Variants in TAF1B observed in about 807,000 individuals in gnomAD.
The protein encoded by TAF1B is TATA box-binding protein-associated factor RNA polymerase I subunit B.
Under a neutral mutation model 83.9 loss-of-function variants are expected in TAF1B, and 61 were observed. The observed-to-expected ratio is 0.73, with a 90% confidence interval of 0.59 to 0.90. The LOEUF (loss-of-function observed/expected upper bound fraction) is 0.90, where lower values mean the gene tolerates loss of function less well. Ranked by LOEUF, TAF1B falls within the 40% of genes least tolerant of loss-of-function variation. TAF1B has a pLI of 0.00. For synonymous variants in TAF1B, 221 were observed against 224.6 expected (o/e 0.98, Z 0.14); for missense variants, 625 against 677.0 (o/e 0.92, Z 0.85).
chr2:9,873,109 G>A (rs894246780), intron 6 of TAF1B, among the ~76,000 whole-genome samples: 1 of 152,186 alleles, frequency 6.6e-6, no homozygotes, highest in African/African-American at 2.4e-5. Context: ...TCACTGGGAT[G>A]AAATCTTCAA....
At chr2:9,888,117 A>G (rs1038583178) in intron 8 of TAF1B, among the ~76,000 whole-genome samples, 2 of 152,166 alleles carry the variant, frequency 1.3e-5, no homozygotes, top group African/African-American at 4.8e-5. Context: ...CTGTTGATTT[A>G]TTAACTATAC....
intron 3 of TAF1B, 151 bp from the exon 4 acceptor site, chr2:9,851,390 A>T: frequency 2.0e-6 from 1 of 500,236 alleles, no homozygotes; most frequent in Non-Finnish European, 3.4e-6. Flanking sequence ...GGTACAAAAA[A>T]ATTCAAGATG....
At chr2:9,871,806 T>C (rs1277722899) in intron 6 of TAF1B, among the ~76,000 whole-genome samples, 2 of 152,140 alleles carry the variant, frequency 1.3e-5, no homozygotes, top group African/African-American at 4.8e-5. Context: ...TAATCTTGGC[T>C]GTCACTGTTC....
chr2:9,877,796 T>G (rs72782635), intron 7 of TAF1B, among the ~76,000 whole-genome samples: 36,873 of 152,094 alleles, frequency 0.24, 5,025 homozygotes, highest in East Asian at 0.3. Context: ...GTGGTTGGAA[T>G]AATAGGGGTA....
intron 8 of TAF1B, among the ~76,000 whole-genome samples, chr2:9,884,720 C>T (rs35390016): frequency 0.31 from 46,866 of 151,934 alleles, 7,598 homozygotes; most frequent in Admixed American, 0.38. Flanking sequence ...CAGCTCTCAG[C>T]AGAGAGGGGG....
chr2:9,928,516 G>A (rs1419344030), intron 14 of TAF1B, among the ~76,000 whole-genome samples: 3 of 152,134 alleles, frequency 2.0e-5, no homozygotes, highest in Non-Finnish European at 2.9e-5. Flanking sequence ...CCATTTGTTT[G>A]TGTCCTCTTT....
intron 6 of TAF1B, among the ~76,000 whole-genome samples, chr2:9,869,883 A>G (rs1247838485): frequency 6.6e-6 from 1 of 152,072 alleles, no homozygotes; most frequent in Non-Finnish European, 1.5e-5. Flanking sequence ...AAAAAAAAAG[A>G]AGTAATTATT....
intron 14 of TAF1B, among the ~76,000 whole-genome samples, chr2:9,920,023 T>A (rs1462620916): frequency 6.6e-6 from 1 of 152,134 alleles, no homozygotes; most frequent in African/African-American, 2.4e-5. Context: ...AACTATCCCC[T>A]CTAGCTAAAT....
chr2:9,867,685 A>T (rs936339940), intron 5 of TAF1B, among the ~76,000 whole-genome samples: 3 of 144,718 alleles, frequency 2.1e-5, no homozygotes, highest in African/African-American at 4.9e-5. Flanking sequence ...CTTTTTAGGG[A>T]CACTCTGTTG....
chr2:9,874,894 G>A (rs1664274267), intron 6 of TAF1B, among the ~76,000 whole-genome samples: 1 of 151,978 alleles, frequency 6.6e-6, no homozygotes, highest in Non-Finnish European at 1.5e-5. Flanking sequence ...CATTGTAATT[G>A]TGTATCCTTT....
chr2:9,843,766 C>A (rs1180178732), intron 1 of TAF1B: 4 of 525,330 alleles, frequency 7.6e-6, no homozygotes, highest in Non-Finnish European at 1.3e-5. Flanking sequence ...GAGTTTCTGG[C>A]TCGGCGAGGT....
chr2:9,909,290 G>T (rs564383458), intron 9 of TAF1B, among the ~76,000 whole-genome samples: 5 of 152,308 alleles, frequency 3.3e-5, no homozygotes, highest in Non-Finnish European at 7.3e-5. Flanking sequence ...GCAATAGAAG[G>T]GTACATGCCA....
At chr2:9,846,699 G>A (rs1483308064) in intron 2 of TAF1B, among the ~76,000 whole-genome samples, 2 of 152,238 alleles carry the variant, frequency 1.3e-5, no homozygotes, top group Non-Finnish European at 2.9e-5. Context: ...GTGTTCTTGA[G>A]TCTGCAGCTG....
chr2:9,851,711 T>A, intron 4 of TAF1B, 73 bp downstream of exon 4: 1 of 1,231,450 alleles, frequency 8.1e-7, no homozygotes, highest in Non-Finnish European at 1.2e-6. Context: ...ATAGTGGAAC[T>A]AAGGAGAAAT....
chr2:9,873,620 A>ATT (rs540990898), intron 6 of TAF1B, among the ~76,000 whole-genome samples: 18 of 117,596 alleles, frequency 1.5e-4, no homozygotes, highest in South Asian at 2.8e-4. Flanking sequence ...ATCAAACTGG[A>ATT]TTTTTTTTTT....
At chr2:9,870,648 T>C (rs965311395) in intron 6 of TAF1B, among the ~76,000 whole-genome samples, 1 of 152,160 alleles carries the variant, frequency 6.6e-6, no homozygotes, top group Non-Finnish European at 1.5e-5. Flanking sequence ...CTGTTTTAGC[T>C]CTTTCACACA....
intron 4 of TAF1B, among the ~76,000 whole-genome samples, chr2:9,853,698 G>A (rs1236860270): frequency 6.6e-6 from 1 of 152,054 alleles, no homozygotes; most frequent in Non-Finnish European, 1.5e-5. Context: ...GAACTCCTGG[G>A]CTCAAGCAGT....
At position 9,913,569 on chromosome 2, in the gene TAF1B, C is replaced by T. The variant is rs184159316; in HGVS notation, c.1271+320C>T. On this transcript the variant is annotated intron_variant, in intron 12 of 14. Coordinates refer to ENST00000263663, the MANE Select transcript of TAF1B (RefSeq NM_005680.3). ...ACTTGCCTATATTTCTAATACTCCT[C>T]CCTCTTCCCCTTTCTCAAATTTAGT... is the stretch of plus-strand genomic sequence containing the variant. 3.7e-3 allele frequency: 723 copies of T among 194,532 alleles called. 2 individuals carry two copies. Among genetic ancestry groups the T allele is most frequent in the Non-Finnish European group, 5.7e-3 (551 of 96,426 alleles). The allele number at this position is 194,532 out of a possible 1,614,324, so 12.1% of individuals were successfully genotyped here.
intron 1 of TAF1B, 142 bp downstream of exon 1, chr2:9,843,701 G>C: frequency 2.1e-6 from 2 of 974,272 alleles, no homozygotes; most frequent in Non-Finnish European, 2.9e-6. Flanking sequence ...TGCAGGGCGG[G>C]CTAAGGACTG....
Sources: gnomAD v4.1 joint callset for allele counts (sites outside exome capture counted in the v4.1 genomes callset) on GRCh38, gnomAD v4.1.1 for gene constraint, MANE v1.5 for transcripts, NCBI Gene and HGNC (gene_info 2026-07-23, HGNC 2026-07-21) for gene names.